CNNM4: variants seen among roughly 807,000 people sequenced by gnomAD.
CNNM4 encodes the protein metal transporter CNNM4.
In CNNM4, 32 loss-of-function variants were observed where a neutral mutation model predicts 53.7. The ratio of observed to expected loss-of-function variants is 0.60; its 90% CI spans 0.45 to 0.80. CNNM4 has a LOEUF of 0.80. Among genes scored for constraint, CNNM4 ranks in the 30% least tolerant of loss-of-function variants. The pLI is 0.00. For missense variants in CNNM4, 784 were observed against 1,022.0 expected, an observed-to-expected ratio of 0.77 and a Z score of 3.17; for synonymous variants, 410 against 440.0, an observed-to-expected ratio of 0.93 and a Z score of 0.85.
intron 3 of CNNM4, among the ~76,000 whole-genome samples, chr2:96,798,823 G>A (rs2079130291): frequency 6.6e-6 from 1 of 152,192 alleles, no homozygotes; most frequent in South Asian, 2.1e-4. Context: ...GTCATGTGCT[G>A]TTCTTGCAGG....
intron 1 of CNNM4, among the ~76,000 whole-genome samples, chr2:96,763,999 G>C (rs2078789820): frequency 1.3e-5 from 2 of 151,170 alleles, no homozygotes; most frequent in Middle Eastern, 6.8e-3. Context: ...CCTAAGCCTT[G>C]GGACCTGAAG....
intron 5 of CNNM4, among the ~76,000 whole-genome samples, chr2:96,806,536 C>T (rs976585908): frequency 2.0e-5 from 2 of 102,326 alleles, no homozygotes; most frequent in Non-Finnish European, 4.1e-5. Context: ...CACACACACA[C>T]GCGCGCGCGC....
intron 1 of CNNM4, among the ~76,000 whole-genome samples, chr2:96,778,380 A>C (rs1243736208): frequency 5.3e-5 from 8 of 150,952 alleles, no homozygotes; most frequent in Non-Finnish European, 8.9e-5. Context: ...AGATGGTGAA[A>C]CCTTGTCTCT....
intron 1 of CNNM4, among the ~76,000 whole-genome samples, chr2:96,789,534 A>G (rs987646602): frequency 6.6e-6 from 1 of 152,178 alleles, no homozygotes; most frequent in East Asian, 1.9e-4. Context: ...GTGGGCAAGC[A>G]TGCCGCCAGG....
intron 1 of CNNM4, among the ~76,000 whole-genome samples, chr2:96,791,874 A>G (rs1171915551): frequency 6.6e-6 from 1 of 152,042 alleles, no homozygotes; most frequent in South Asian, 2.1e-4. Context: ...CATAATCAAT[A>G]GTATTAATTT....
rs560281622 is a variant in CNNM4, at chr2:96,795,493, C to G, written c.1403-1519C>G. On this transcript the variant is annotated intron_variant, in intron 1 of 6. Transcript: ENST00000377075. ...AAAACTTTCACAATGCAGTACCCCC[C>G]CCCCCATCACATGGGGTGTATTGTG... is the stretch of plus-strand genomic sequence containing the variant. Among the ~76,000 whole-genome samples the G allele has an allele frequency of 3.8e-4, 58 of 152,264 alleles. No individual in the cohort carries two copies. In the East Asian group the frequency reaches 5.6e-3, roughly 15 times the overall value.
At chr2:96,781,794 A>G (rs937374822) in intron 1 of CNNM4, among the ~76,000 whole-genome samples, 2 of 152,058 alleles carry the variant, frequency 1.3e-5, no homozygotes, top group African/African-American at 4.8e-5. Context: ...TCACCTGCTT[A>G]GTCTTCACCA....
intron 1 of CNNM4, among the ~76,000 whole-genome samples, chr2:96,791,868 A>G (rs2079065030): frequency 6.6e-6 from 1 of 152,068 alleles, no homozygotes; most frequent in Non-Finnish European, 1.5e-5. Context: ...ATTTTTCATA[A>G]TCAATAGTAT....
At chr2:96,798,548 C>T (rs578074390) in intron 3 of CNNM4, among the ~76,000 whole-genome samples, 1 of 152,298 alleles carries the variant, frequency 6.6e-6, no homozygotes. Flanking sequence ...CCCGCTCTGT[C>T]CCCCTCTTCC....
rs752968846 is a variant in CNNM4, at chr2:96,797,165, G to A, written c.1546+10G>A. On this transcript the variant is annotated intron_variant, in intron 2 of 6. Coordinates refer to ENST00000377075, the MANE Select transcript of CNNM4 (RefSeq NM_020184.4). The surrounding 1 kb of genome is among the most constrained non-coding windows in gnomAD (Gnocchi z 6.0). The stretch of plus-strand genomic sequence containing the variant: ...GAGTCCGACATGTACAGTGAGTCCA[G>A]CCTTCCACAGGGCCCAGGACCCCTT... The A allele has an allele frequency of 8.7e-6, 14 of 1,614,086 alleles. No homozygotes were observed. The East Asian group carries it at 1.1e-4, about 13-fold the overall frequency.
In CNNM4 at chr2:96,810,435, A is replaced by G. The variant is rs1037377950; in HGVS notation, c.*918A>G. 1 of 152,690 alleles carries G rather than the reference A, an allele frequency of 6.5e-6. No individual in the cohort carries two copies. The highest frequency in any genetic ancestry group is 2.4e-5 in the African/African-American group (1 of 41,446). 9.5% of individuals were successfully genotyped at this position (152,690 alleles called of 1,614,324 possible). ...AAAGGTTCTCCCTCGGCGGGAGGGC[A>G]TCTGTGTTGGAGGTGATTTGTCTGG... is the stretch of plus-strand genomic sequence containing the variant. On this transcript the variant is annotated 3_prime_UTR_variant, in exon 7 of 7. Transcript: ENST00000377075. The surrounding 1 kb of genome is among the most constrained non-coding windows in gnomAD (Gnocchi z 4.1).
chr2:96,806,523 ACACACACACACACGCG>A (rs1408091454), intron 5 of CNNM4, among the ~76,000 whole-genome samples: 1 of 141,360 alleles, frequency 7.1e-6, no homozygotes, highest in African/African-American at 2.7e-5. Flanking sequence ...ACACACACAC[ACACACACACACACGCG>A]CGCGCGCGCG....
intron 1 of CNNM4, among the ~76,000 whole-genome samples, chr2:96,796,197 T>G (rs897586397): frequency 2.3e-5 from 3 of 130,154 alleles, no homozygotes; most frequent in African/African-American, 5.9e-5. Flanking sequence ...CAGGCTGGAG[T>G]GCAGTGGCGT....
chr2:96,801,770 G>C lies in CNNM4; in HGVS notation c.1948+2122G>C, dbSNP rs2079161678. 1.3e-5 allele frequency among the ~76,000 whole-genome samples: 2 copies of C among 149,866 alleles called. No individual in the cohort carries two copies. The highest frequency in any genetic ancestry group is 3.0e-5 in the Non-Finnish European group (2 of 67,538). ...GACCACACACCCAGACACACACACA[G>C]ACAGAGATACTACAGACACCCATAG... On this transcript the variant is annotated intron_variant, in intron 5 of 6. Coordinates refer to ENST00000377075, the MANE Select transcript of CNNM4 (RefSeq NM_020184.4). This position sits in a 1 kb window ranked among gnomAD's most constrained non-coding sequence, Gnocchi z 5.6.
At chr2:96,772,343 TC>T (rs1341358550) in intron 1 of CNNM4, among the ~76,000 whole-genome samples, 1 of 74,456 alleles carries the variant, frequency 1.3e-5, no homozygotes, top group Admixed American at 1.7e-4. Context: ...CTCATACCCC[TC>T]ACATAGGCAC....
Position 96,810,820 on chromosome 2 carries a change from T to C in CNNM4, c.*1303T>C, listed in dbSNP as rs2079250836. The C allele has an allele frequency of 6.6e-6, 1 of 152,254 alleles. No individual in the cohort carries two copies. The highest frequency in any genetic ancestry group is 1.5e-5 in the Non-Finnish European group (1 of 68,072). 9.4% of individuals were successfully genotyped at this position (152,254 alleles called of 1,614,324 possible). A position where few individuals can be genotyped will look rare whatever the true frequency, so the allele number is the denominator to read the frequency against. On this transcript the variant is annotated 3_prime_UTR_variant, in exon 7 of 7. Coordinates refer to ENST00000377075, the MANE Select transcript of CNNM4 (RefSeq NM_020184.4). This position sits in a 1 kb window ranked among gnomAD's most constrained non-coding sequence, Gnocchi z 4.1. ...CTAGCGTGAGAGGTCATCCTGCCCT[T>C]GCTGAAGTTAGTAGTACTGTACTAA...
chr2:96,797,701 G>A lies in CNNM4; in HGVS notation c.1681+54G>A. On this transcript the variant is annotated intron_variant, in intron 3 of 6. Transcript: ENST00000377075. The surrounding 1 kb of genome is among the most constrained non-coding windows in gnomAD (Gnocchi z 6.0). ...GTGGAAATACGGTCACGGGGGAGAA[G>A]TCCTGGGTTTCCGGCTGCTTTCCCC... 8.7e-6 allele frequency: 14 copies of A among 1,607,516 alleles called. No homozygotes were observed. Among genetic ancestry groups the A allele is most frequent in the Non-Finnish European group, 1.2e-5 (14 of 1,179,150 alleles).
intron 5 of CNNM4, among the ~76,000 whole-genome samples, chr2:96,802,344 G>A (rs2079167438): frequency 6.6e-6 from 1 of 152,258 alleles, no homozygotes; most frequent in Non-Finnish European, 1.5e-5. Context: ...CCACGGCCAA[G>A]AGGAGACGCA....
chr2:96,786,771 T>C (rs1194944539), intron 1 of CNNM4, among the ~76,000 whole-genome samples: 2 of 117,082 alleles, frequency 1.7e-5, no homozygotes, highest in Non-Finnish European at 3.3e-5. Flanking sequence ...AGAGCAAGAC[T>C]CTGTCTCAAA....
Sources: allele counts gnomAD v4.1 joint callset (sites outside exome capture counted in the v4.1 genomes callset), GRCh38; gene constraint gnomAD v4.1.1; non-coding constraint Gnocchi (gnomAD v3.1); transcripts MANE v1.5; gene names NCBI Gene and HGNC (gene_info 2026-07-23, HGNC 2026-07-21).